TNKS: variants seen among roughly 807,000 people sequenced by gnomAD.
TNKS encodes the protein poly [ADP-ribose] polymerase tankyrase-1.
In TNKS, 72 loss-of-function variants were observed where a neutral mutation model predicts 135.8. The ratio of observed to expected loss-of-function variants is 0.53; its 90% CI spans 0.44 to 0.64. TNKS has a LOEUF of 0.64. Among genes scored for constraint, TNKS ranks in the 30% least tolerant of loss-of-function variants. The pLI, the probability that TNKS is intolerant of heterozygous loss-of-function variation, is 0.00. For synonymous variants in TNKS, 849 were observed against 649.3 expected (o/e 1.31, Z -4.68); for missense variants, 1,769 against 1,674.0 (o/e 1.06, Z -0.99).
At chr8:9,649,101 A>G (rs1801033839) in intron 3 of TNKS, among the ~76,000 whole-genome samples, 1 of 152,236 alleles carries the variant, frequency 6.6e-6, no homozygotes, top group Non-Finnish European at 1.5e-5. Context: ...TTATAATCAT[A>G]TACATATAAA....
chr8:9,621,132 CAT>C (rs1799851289), intron 3 of TNKS, among the ~76,000 whole-genome samples: 1 of 152,060 alleles, frequency 6.6e-6, no homozygotes, highest in African/African-American at 2.4e-5. Context: ...TTTCTTAAAA[CAT>C]AAGTGCATTT....
chr8:9,723,560 G>C (rs6982148), intron 12 of TNKS, among the ~76,000 whole-genome samples: 88,645 of 152,038 alleles, frequency 0.58, 26,241 homozygotes, highest in Middle Eastern at 0.7. Context: ...GAAAACAAGA[G>C]AAGCAGCTTT....
chr8:9,773,060 G>C (rs573281222), intron 26 of TNKS, among the ~76,000 whole-genome samples: 11 of 151,562 alleles, frequency 7.3e-5, no homozygotes, highest in Non-Finnish European at 1.2e-4. Flanking sequence ...AAAAAGGAAG[G>C]AATAAATTTG....
At chr8:9,767,984 GA>G (rs1375172494) in intron 25 of TNKS, among the ~76,000 whole-genome samples, 1 of 149,732 alleles carries the variant, frequency 6.7e-6, no homozygotes, top group Non-Finnish European at 1.5e-5. Context: ...AAAGAATACA[GA>G]GAAATTTTCA....
At chr8:9,644,565 G>C (rs937592379) in intron 3 of TNKS, among the ~76,000 whole-genome samples, 2 of 152,062 alleles carry the variant, frequency 1.3e-5, no homozygotes, top group Admixed American at 1.3e-4. Flanking sequence ...TTTACTGAAG[G>C]CTTGTCTCCC....
At chr8:9,723,856 A>G (rs1019488571) in intron 12 of TNKS, among the ~76,000 whole-genome samples, 4 of 152,156 alleles carry the variant, frequency 2.6e-5, no homozygotes. Flanking sequence ...AATTCTTGCG[A>G]TTGTATAACC....
At chr8:9,609,926 C>G (rs1438382545) in intron 2 of TNKS, among the ~76,000 whole-genome samples, 1 of 152,082 alleles carries the variant, frequency 6.6e-6, no homozygotes, top group East Asian at 1.9e-4. Context: ...GGCACAATCT[C>G]AGCTCACTGC....
chr8:9,730,818 A>G (rs1805398744), intron 13 of TNKS, 72 bp from the exon 14 acceptor site: 2 of 1,537,866 alleles, frequency 1.3e-6, no homozygotes, highest in South Asian at 1.2e-5. Flanking sequence ...ATGTTGAACT[A>G]TTTTGGGGCA....
intron 5 of TNKS, among the ~76,000 whole-genome samples, chr8:9,704,212 T>TA (rs1198032147): frequency 2.6e-5 from 4 of 152,192 alleles, no homozygotes; most frequent in African/African-American, 9.6e-5. Flanking sequence ...TCTTTCCTAT[T>TA]AAAGAAATTT....
intron 17 of TNKS, among the ~76,000 whole-genome samples, chr8:9,743,944 A>G (rs952873780): frequency 6.6e-6 from 1 of 152,214 alleles, no homozygotes; most frequent in African/African-American, 2.4e-5. Context: ...AATCTGAGGT[A>G]GCTGTGAAAT....
At chr8:9,650,076 G>A (rs1801086945) in intron 3 of TNKS, among the ~76,000 whole-genome samples, 2 of 151,530 alleles carry the variant, frequency 1.3e-5, no homozygotes, top group African/African-American at 4.9e-5. Flanking sequence ...ATTTTTGGTA[G>A]AGACAGGGTT....
chr8:9,578,714 CTT>C (rs929130893), intron 1 of TNKS, among the ~76,000 whole-genome samples: 13 of 152,160 alleles, frequency 8.5e-5, no homozygotes, highest in African/African-American at 3.1e-4. Context: ...AGATGTGACT[CTT>C]TTACTGTCTT....
chr8:9,679,298 G>T (rs867639988), intron 3 of TNKS, among the ~76,000 whole-genome samples: 3 of 152,024 alleles, frequency 2.0e-5, no homozygotes, highest in Non-Finnish European at 4.4e-5. Context: ...GAATATTATT[G>T]CCATTTAAGA....
intron 3 of TNKS, among the ~76,000 whole-genome samples, chr8:9,624,602 A>G (rs188605745): frequency 6.6e-6 from 1 of 152,358 alleles, no homozygotes; most frequent in African/African-American, 2.4e-5. Flanking sequence ...TCATAGAAAT[A>G]CATACATACT....
intron 17 of TNKS, chr8:9,743,410 A>C (rs1337075199): frequency 6.6e-6 from 1 of 152,184 alleles, no homozygotes; most frequent in African/African-American, 2.4e-5. Context: ...TCTGTTTTAT[A>C]ACCCAGTAGT....
At chr8:9,603,332 G>C (rs1370473776) in intron 2 of TNKS, among the ~76,000 whole-genome samples, 1 of 138,418 alleles carries the variant, frequency 7.2e-6, no homozygotes. Context: ...TGGGATTACA[G>C]GCATGAGCCA....
At chr8:9,763,785 C>T (rs1219409145) in intron 22 of TNKS, among the ~76,000 whole-genome samples, 1 of 152,158 alleles carries the variant, frequency 6.6e-6, no homozygotes, top group Non-Finnish European at 1.5e-5. Context: ...GACTCCTGCT[C>T]CACTGACGGC....
chr8:9,689,215 C>G (rs1243007494), intron 5 of TNKS, among the ~76,000 whole-genome samples: 1 of 152,096 alleles, frequency 6.6e-6, no homozygotes, highest in East Asian at 1.9e-4. Flanking sequence ...GCATATTAAT[C>G]CATTCACTCA....
chr8:9,759,835 C>T (rs1303677251), intron 20 of TNKS, among the ~76,000 whole-genome samples: 1 of 151,916 alleles, frequency 6.6e-6, no homozygotes, highest in African/African-American at 2.4e-5. Flanking sequence ...ATTAGCCGGG[C>T]GTGGTGGCGG....
Sources: allele counts gnomAD v4.1 joint callset (sites outside exome capture counted in the v4.1 genomes callset), GRCh38; gene constraint gnomAD v4.1.1; transcripts MANE v1.5; gene names NCBI Gene and HGNC (gene_info 2026-07-23, HGNC 2026-07-21).